TSHZ2: variants seen among roughly 807,000 people sequenced by gnomAD.
The protein encoded by TSHZ2 is teashirt zinc finger homeobox 2, also known as teashirt homolog 2.
In TSHZ2, 21 loss-of-function variants were observed where a neutral mutation model predicts 74.4. That is an observed-to-expected ratio of 0.28 (90% CI 0.20 to 0.41). The LOEUF is 0.41. Ranked by LOEUF, TSHZ2 falls within the 10% of genes least tolerant of loss-of-function variation. The probability of loss-of-function intolerance (pLI) is 1.00; values close to 1 mark genes in which losing one functional copy is unlikely to be tolerated. For missense variants in TSHZ2, 1,244 were observed against 1,293.5 expected (o/e 0.96, Z 0.59); for synonymous variants, 540 against 515.3 (o/e 1.05, Z -0.65).
intron 1 of TSHZ2, among the ~76,000 whole-genome samples, chr20:53,190,835 C>T (rs1231408837): frequency 6.6e-6 from 1 of 152,190 alleles, no homozygotes; most frequent in Non-Finnish European, 1.5e-5. Context: ...GTGGGCATCA[C>T]CCTACCGAGG....
intron 1 of TSHZ2, among the ~76,000 whole-genome samples, chr20:53,073,757 T>C (rs1300804588): frequency 6.6e-6 from 1 of 151,784 alleles, no homozygotes; most frequent in Non-Finnish European, 1.5e-5. Context: ...TTCCGTCAAG[T>C]TAAAAAAAAA....
intron 2 of TSHZ2, among the ~76,000 whole-genome samples, chr20:53,375,800 C>T (rs146460273): frequency 2.6e-5 from 4 of 152,230 alleles, no homozygotes; most frequent in East Asian, 3.9e-4. Context: ...CTTGGGACCT[C>T]GGTCAAGTTA....
intron 1 of TSHZ2, among the ~76,000 whole-genome samples, chr20:53,157,749 G>C (rs1017115412): frequency 2.0e-5 from 3 of 152,202 alleles, no homozygotes; most frequent in Non-Finnish European, 4.4e-5. Context: ...CTTTTAGAGA[G>C]AGGGAGAGAT....
intron 2 of TSHZ2, among the ~76,000 whole-genome samples, chr20:53,472,825 T>C (rs201769982): frequency 2.0e-5 from 3 of 151,798 alleles, no homozygotes; most frequent in East Asian, 2.0e-4. Context: ...CGAAGCAGGG[T>C]GAGGCATTGC....
At chr20:53,111,132 C>A (rs555308465) in intron 1 of TSHZ2, among the ~76,000 whole-genome samples, 153 of 152,208 alleles carry the variant, frequency 1.0e-3, no homozygotes, top group African/African-American at 3.5e-3. Flanking sequence ...GTTCAGAAAT[C>A]AAAATGATAA....
intron 1 of TSHZ2, among the ~76,000 whole-genome samples, chr20:53,197,554 G>A (rs1988902516): frequency 1.3e-5 from 2 of 152,166 alleles, no homozygotes; most frequent in South Asian, 4.1e-4. Flanking sequence ...CACACTGTGG[G>A]AAATGGCCCT....
At chr20:53,184,179 A>T (rs186254473) in intron 1 of TSHZ2, among the ~76,000 whole-genome samples, 1 of 152,196 alleles carries the variant, frequency 6.6e-6, no homozygotes, top group Non-Finnish European at 1.5e-5. Context: ...CTTTCCATGC[A>T]TTCTCTCCTT....
At chr20:53,194,552 G>A (rs773163610) in intron 1 of TSHZ2, among the ~76,000 whole-genome samples, 11 of 152,280 alleles carry the variant, frequency 7.2e-5, no homozygotes, top group Non-Finnish European at 1.3e-4. Flanking sequence ...AAATCATACC[G>A]AAGGGTTGTC....
chr20:53,129,030 C>A (rs1234358647), intron 1 of TSHZ2, among the ~76,000 whole-genome samples: 1 of 151,988 alleles, frequency 6.6e-6, no homozygotes, highest in Non-Finnish European at 1.5e-5. Flanking sequence ...GGCTGTGACC[C>A]CGTACTTACA....
At chr20:53,474,363 A>G (rs1985928102) in intron 2 of TSHZ2, among the ~76,000 whole-genome samples, 1 of 126,774 alleles carries the variant, frequency 7.9e-6, no homozygotes, top group Non-Finnish European at 1.6e-5. Context: ...CAACATTCTT[A>G]AAGAAAAGAA....
chr20:53,314,778 C>T (rs34344491), intron 2 of TSHZ2, among the ~76,000 whole-genome samples: 5,023 of 152,074 alleles, frequency 0.033, 121 homozygotes, highest in Non-Finnish European at 0.049. Flanking sequence ...CCTGCCACCA[C>T]GCCTGGCTAA....
chr20:53,198,058 T>C (rs527698666), intron 1 of TSHZ2: 1 of 152,260 alleles, frequency 6.6e-6, no homozygotes, highest in East Asian at 1.9e-4. Flanking sequence ...CCAAAGGACA[T>C]GAAAGTTAAC....
At chr20:53,049,824 G>A (rs1394583360) in intron 1 of TSHZ2, among the ~76,000 whole-genome samples, 1 of 152,084 alleles carries the variant, frequency 6.6e-6, no homozygotes, top group African/African-American at 2.4e-5. Flanking sequence ...GCTCACGCCT[G>A]TAATCTCAGC....
chr20:53,210,614 G>T (rs1444326502), intron 1 of TSHZ2, among the ~76,000 whole-genome samples: 1 of 151,798 alleles, frequency 6.6e-6, no homozygotes, highest in Non-Finnish European at 1.5e-5. Context: ...GGGGTTTGGG[G>T]TTTATACGAC....
At chr20:53,398,704 A>AT (rs1247456391) in intron 2 of TSHZ2, 3 of 152,228 alleles carry the variant, frequency 2.0e-5, no homozygotes, top group African/African-American at 7.2e-5. Flanking sequence ...AGTGAGCCAT[A>AT]ATTGCACCAC....
intron 1 of TSHZ2, among the ~76,000 whole-genome samples, chr20:53,070,492 C>T (rs1260246499): frequency 6.6e-6 from 1 of 152,216 alleles, no homozygotes; most frequent in Non-Finnish European, 1.5e-5. Flanking sequence ...GAGCCAGTGA[C>T]TGTGACCCTC....
At chr20:53,463,435 G>GGGAAGA (rs1985456677) in intron 2 of TSHZ2, among the ~76,000 whole-genome samples, 1 of 114,254 alleles carries the variant, frequency 8.8e-6, no homozygotes, top group Non-Finnish European at 1.8e-5. Flanking sequence ...AGGAAGGAAG[G>GGGAAGA]AGGGAGGGAG....
At chr20:53,289,091 G>A (rs991779299) in intron 2 of TSHZ2, among the ~76,000 whole-genome samples, 7 of 152,058 alleles carry the variant, frequency 4.6e-5, no homozygotes, top group South Asian at 2.1e-4. Flanking sequence ...CCTGAGTTAC[G>A]TCACTTAGAA....
At chr20:53,157,185 T>A (rs1568786920) in intron 1 of TSHZ2, among the ~76,000 whole-genome samples, 1 of 152,172 alleles carries the variant, frequency 6.6e-6, no homozygotes, top group Non-Finnish European at 1.5e-5. Flanking sequence ...AATTTCTCAA[T>A]TATGCTTGAA....
Sources: gnomAD v4.1 joint callset for allele counts (sites outside exome capture counted in the v4.1 genomes callset) on GRCh38, gnomAD v4.1.1 for gene constraint, MANE v1.5 for transcripts, NCBI Gene and HGNC (gene_info 2026-07-23, HGNC 2026-07-21) for gene names.